The following ZEB1 variants were observed in gnomAD, a reference collection of about 807,000 sequenced individuals.
ZEB1 encodes zinc finger E-box binding homeobox 1.
A neutral mutation model predicts 84.9 loss-of-function variants in ZEB1; 21 were observed. That is an observed-to-expected ratio of 0.25 (90% CI 0.18 to 0.36). The LOEUF (loss-of-function observed/expected upper bound fraction) is 0.36. ZEB1 is among the 10% of genes least tolerant of loss of function. ZEB1 has a pLI of 1.00. For synonymous variants in ZEB1, 420 were observed against 471.1 expected, an observed-to-expected ratio of 0.89 and a Z score of 1.41; for missense variants, 1,104 against 1,330.2, an observed-to-expected ratio of 0.83 and a Z score of 2.65.
Position 31,449,381 on chromosome 10 carries a change from C to T in ZEB1, c.59-11656C>T, listed in dbSNP as rs185531731. ...CAGAAATCACCCGTCTTCTGCGTCGCTCACGCTGGGAGCTGTAGACTGGAG... is the reference window on the plus strand; with the variant it reads ...CAGAAATCACCCGTCTTCTGCGTCGTTCACGCTGGGAGCTGTAGACTGGAG... On this transcript the variant is annotated intron_variant, in intron 1 of 8. Transcript: ENST00000424869. 3.1e-3 allele frequency among the ~76,000 whole-genome samples: 465 copies of T among 152,370 alleles called. 2 individuals carry two copies. Among genetic ancestry groups the T allele is most frequent in the Admixed American group, 5.2e-3 (80 of 15,312 alleles).
chr10:31,448,951 C>T (rs1248046877), intron 1 of ZEB1, among the ~76,000 whole-genome samples: 2 of 152,248 alleles, frequency 1.3e-5, no homozygotes, highest in African/African-American at 2.4e-5. Flanking sequence ...CCAGTTGGAG[C>T]TTCCTGGCTG....
intron 1 of ZEB1, among the ~76,000 whole-genome samples, chr10:31,453,524 TAAG>T (rs1283072151): frequency 3.3e-5 from 5 of 152,168 alleles, no homozygotes; most frequent in African/African-American, 7.2e-5. Context: ...GTACATTACT[TAAG>T]AAACAGATAT....
At chr10:31,363,106 G>A (rs1381635891) in intron 1 of ZEB1, 8 of 1,533,850 alleles carry the variant, frequency 5.2e-6, no homozygotes, top group Middle Eastern at 2.3e-4. Context: ...GGCAGCTCTG[G>A]GTGGAGAAGA....
intron 1 of ZEB1, among the ~76,000 whole-genome samples, chr10:31,413,892 T>TG (rs1314689370): frequency 1.3e-5 from 2 of 152,216 alleles, no homozygotes; most frequent in Non-Finnish European, 2.9e-5. Context: ...TGTTTCTAAC[T>TG]GACCCTAAAC....
At chr10:31,497,950 TAGATAGATAGA>T (rs1469187415) in intron 3 of ZEB1, among the ~76,000 whole-genome samples, 1 of 151,810 alleles carries the variant, frequency 6.6e-6, no homozygotes. Context: ...GATAGATAGA[TAGATAGATAGA>T]TAGATAGATA....
intron 1 of ZEB1, among the ~76,000 whole-genome samples, chr10:31,458,331 G>GT (rs1564947298): frequency 9.0e-6 from 1 of 111,004 alleles, no homozygotes; most frequent in African/African-American, 6.9e-5. Flanking sequence ...GTGTGTGTGT[G>GT]TGTGTTGTGT....
chr10:31,428,575 C>T (rs562793674), intron 1 of ZEB1, among the ~76,000 whole-genome samples: 1 of 152,236 alleles, frequency 6.6e-6, no homozygotes, highest in South Asian at 2.1e-4. Flanking sequence ...TCTATCAGGT[C>T]CATTTGATCC....
chr10:31,391,280 A>T (rs1484437806), intron 1 of ZEB1, among the ~76,000 whole-genome samples: 1 of 123,652 alleles, frequency 8.1e-6, no homozygotes, highest in African/African-American at 3.4e-5. Context: ...TGTGTGTGAG[A>T]TCCAATAATT....
chr10:31,462,329 C>T (rs1324743495), intron 2 of ZEB1, among the ~76,000 whole-genome samples: 2 of 152,162 alleles, frequency 1.3e-5, no homozygotes, highest in African/African-American at 4.8e-5. Flanking sequence ...ATTCAGCAAC[C>T]TCTGTAGAAA....
intron 2 of ZEB1, among the ~76,000 whole-genome samples, chr10:31,471,316 C>A: frequency 7.6e-6 from 1 of 132,180 alleles, no homozygotes; most frequent in African/African-American, 2.9e-5. Context: ...ATTCAGGAAA[C>A]CCATCTCACG....
At chr10:31,402,989 T>A (rs748216352) in intron 1 of ZEB1, among the ~76,000 whole-genome samples, 14 of 152,112 alleles carry the variant, frequency 9.2e-5, no homozygotes, top group Non-Finnish European at 1.8e-4. Context: ...AATAAATTAT[T>A]TGGAAAGAAA....
chr10:31,491,779 T>G (rs1441480713), intron 2 of ZEB1, among the ~76,000 whole-genome samples: 1 of 151,886 alleles, frequency 6.6e-6, no homozygotes, highest in Non-Finnish European at 1.5e-5. Flanking sequence ...AGGTATATAT[T>G]TTTAATCATT....
chr10:31,474,169 A>C (rs2063712901), intron 2 of ZEB1, among the ~76,000 whole-genome samples: 1 of 152,180 alleles, frequency 6.6e-6, no homozygotes, highest in African/African-American at 2.4e-5. Context: ...TCATGTCTAA[A>C]ACACCAAAAG....
At chr10:31,377,087 CTTTTT>C (rs1193120000) in intron 1 of ZEB1, among the ~76,000 whole-genome samples, 2 of 107,184 alleles carry the variant, frequency 1.9e-5, no homozygotes, top group Non-Finnish European at 4.0e-5. Context: ...AACCTAGTGT[CTTTTT>C]TTTTTTTTTT....
intron 1 of ZEB1, among the ~76,000 whole-genome samples, chr10:31,411,531 C>T (rs1458668586): frequency 6.7e-6 from 1 of 150,354 alleles, no homozygotes. Flanking sequence ...ACTCGGGAGG[C>T]TGATGCAGGA....
intron 6 of ZEB1, among the ~76,000 whole-genome samples, chr10:31,518,091 G>A (rs527488729): frequency 3.9e-5 from 6 of 152,286 alleles, no homozygotes; most frequent in African/African-American, 1.4e-4. Context: ...AAATAAGCAT[G>A]TAGTTCATGT....
At position 31,463,688 on chromosome 10, in the gene ZEB1, A is replaced by G. The variant is rs769222843; in HGVS notation, c.259+2451A>G. Among the ~76,000 whole-genome samples, 85 of 152,234 alleles carry G rather than the reference A, an allele frequency of 5.6e-4. 1 individual carries two copies. The highest frequency in any genetic ancestry group is 1.8e-4 in the Non-Finnish European group (12 of 68,040). The stretch of plus-strand genomic sequence containing the variant: ...TTGTCTTTGAGAAGTAGTAACCACA[A>G]GCTGTCTCGCACTGATTTGAAGTCC... On this transcript the variant is annotated intron_variant, in intron 2 of 8. Coordinates refer to ENST00000424869, the MANE Select transcript of ZEB1 (RefSeq NM_001174096.2).
At chr10:31,421,702 A>G (rs161258) in intron 1 of ZEB1, among the ~76,000 whole-genome samples, 35,067 of 152,062 alleles carry the variant, frequency 0.23, 8,677 homozygotes, top group African/African-American at 0.62. Flanking sequence ...GAGAAAGTCA[A>G]TCCTTCTTTT....
intron 2 of ZEB1, among the ~76,000 whole-genome samples, chr10:31,483,567 C>A (rs1565069618): frequency 6.6e-6 from 1 of 151,994 alleles, no homozygotes; most frequent in Non-Finnish European, 1.5e-5. Flanking sequence ...ATCATATATT[C>A]TTTTTAATTT....
Sources: gnomAD v4.1 joint callset for allele counts (sites outside exome capture counted in the v4.1 genomes callset) on GRCh38, gnomAD v4.1.1 for gene constraint, MANE v1.5 for transcripts, NCBI Gene and HGNC (gene_info 2026-07-23, HGNC 2026-07-21) for gene names.